ARFGEF2: variants seen among roughly 807,000 people sequenced by gnomAD.
ARFGEF2 encodes the protein ARF guanine nucleotide exchange factor 2.
In ARFGEF2, 74 loss-of-function variants were observed where a neutral mutation model predicts 219.9. The observed-to-expected ratio is 0.34, with a 90% CI of 0.28 to 0.41. ARFGEF2 has a LOEUF of 0.41. Among genes scored for constraint, ARFGEF2 ranks in the 10% least tolerant of loss-of-function variants. The pLI is 1.00. For missense variants in ARFGEF2, 1,743 were observed against 2,218.3 expected (o/e 0.79, Z 4.30); for synonymous variants, 733 against 799.2 (o/e 0.92, Z 1.40).
At chr20:48,954,908 G>C (rs1418476607) in intron 6 of ARFGEF2, among the ~76,000 whole-genome samples, 1 of 152,066 alleles carries the variant, frequency 6.6e-6, no homozygotes, top group Non-Finnish European at 1.5e-5. Flanking sequence ...GAAAGGACCA[G>C]GTTTTTACTG....
At chr20:48,984,906 T>G in intron 15 of ARFGEF2, 66 bp downstream of exon 15, 1 of 1,610,920 alleles carries the variant, frequency 6.2e-7, no homozygotes, top group Non-Finnish European at 8.5e-7. Flanking sequence ...CTTACCAGTT[T>G]TAACCTCGAG....
chr20:48,931,282 G>C (rs1469715236), intron 1 of ARFGEF2, among the ~76,000 whole-genome samples: 1 of 152,096 alleles, frequency 6.6e-6, no homozygotes, highest in Non-Finnish European at 1.5e-5. Context: ...TGGGGAGGGA[G>C]CCAGTTCAAG....
intron 14 of ARFGEF2, among the ~76,000 whole-genome samples, chr20:48,984,309 A>C (rs932926908): frequency 1.3e-5 from 2 of 152,144 alleles, no homozygotes; most frequent in African/African-American, 4.8e-5. Flanking sequence ...AAAGAGAAAA[A>C]AGCAGACTTC....
intron 2 of ARFGEF2, among the ~76,000 whole-genome samples, chr20:48,941,440 TGGAA>T (rs1169518734): frequency 1.3e-5 from 2 of 152,206 alleles, no homozygotes; most frequent in African/African-American, 4.8e-5. Flanking sequence ...CTTGTATACT[TGGAA>T]GGAAGGATCA....
intron 1 of ARFGEF2, among the ~76,000 whole-genome samples, chr20:48,930,482 A>G (rs1222207188): frequency 7.9e-5 from 12 of 152,242 alleles, no homozygotes; most frequent in Admixed American, 3.9e-4. Context: ...GATGAAGCCA[A>G]CAAAACCTTG....
At position 48,995,864 on chromosome 20, in the gene ARFGEF2, TG is replaced by T. The variant is rs866823052; in HGVS notation, c.3205del (p.Val1069LeufsTer2). 1 of 1,614,132 alleles carries T rather than the reference TG, an allele frequency of 6.2e-7. No homozygotes were observed. The highest frequency in any genetic ancestry group is 8.5e-7 in the Non-Finnish European group (1 of 1,179,992). ...GTTGGTGAGACCAGCTCGCAGAGTGTGGTTGTAGCTGTGGACAGGTAATGAT... is the reference window on the plus strand; with the variant it reads ...GTTGGTGAGACCAGCTCGCAGAGTGTGTTGTAGCTGTGGACAGGTAATGAT... Reference protein sequence around the residue: ...ESVGETSSQSVVVAVDRIFTG... With the variant: ...ESVGETSSQSXVVAVDRIFTG... On this transcript the variant is annotated frameshift_variant, in exon 23 of 39. Coordinates refer to ENST00000371917, the MANE Select transcript of ARFGEF2 (RefSeq NM_006420.3). LOFTEE classifies it high-confidence loss of function.
At chr20:49,019,150 T>G (rs1600551300) in intron 34 of ARFGEF2, 152 bp downstream of exon 34, 2 of 660,390 alleles carry the variant, frequency 3.0e-6, no homozygotes, top group East Asian at 5.8e-5. Flanking sequence ...CCTGTTTCTC[T>G]GTACCTTTCC....
intron 1 of ARFGEF2, among the ~76,000 whole-genome samples, chr20:48,934,025 C>T (rs578120540): frequency 2.1e-5 from 3 of 146,088 alleles, no homozygotes; most frequent in East Asian, 4.1e-4. Flanking sequence ...GAGGCTGAGG[C>T]AGGAGAATCT....
At chr20:48,949,127 G>C (rs899644754) in intron 3 of ARFGEF2, among the ~76,000 whole-genome samples, 4 of 152,226 alleles carry the variant, frequency 2.6e-5, no homozygotes, top group African/African-American at 9.6e-5. Context: ...CACAGATGAG[G>C]GGGGAAGTCA....
chr20:49,031,474 TTGC>T (rs2091634245), intron 37 of ARFGEF2, among the ~76,000 whole-genome samples: 1 of 152,078 alleles, frequency 6.6e-6, no homozygotes, highest in African/African-American at 2.4e-5. Flanking sequence ...AGTGATCTGC[TTGC>T]GTTGGCCTCC....
chr20:48,974,998 T>C, intron 13 of ARFGEF2, 124 bp downstream of exon 13: 1 of 800,696 alleles, frequency 1.2e-6, no homozygotes, highest in East Asian at 2.8e-5. Flanking sequence ...TAAATACCTA[T>C]ATTATTTTGA....
At chr20:48,953,304 T>A (rs1015817004) in intron 5 of ARFGEF2, among the ~76,000 whole-genome samples, 1 of 151,938 alleles carries the variant, frequency 6.6e-6, no homozygotes, top group African/African-American at 2.4e-5. Context: ...ACCTCCCAAG[T>A]AGCTGGGACT....
intron 14 of ARFGEF2, among the ~76,000 whole-genome samples, chr20:48,980,219 C>T (rs759821534): frequency 2.6e-5 from 4 of 152,154 alleles, no homozygotes; most frequent in Non-Finnish European, 5.9e-5. Context: ...ATCTTTATTT[C>T]TGCCTTAATT....
At chr20:49,003,202 A>T (rs2091435822) in intron 25 of ARFGEF2, among the ~76,000 whole-genome samples, 1 of 150,928 alleles carries the variant, frequency 6.6e-6, no homozygotes, top group African/African-American at 2.4e-5. Context: ...TCCTGGCCTC[A>T]GGTGATCCTC....
Position 48,921,910 on chromosome 20 carries a change from G to A in ARFGEF2, c.21G>A (p.Lys7=), listed in dbSNP as rs1344570635. The change falls in exon 1 of 39, where the codon AAG becomes AAA. Residue 7 remains lysine (K), a synonymous_variant. Transcript: ENST00000371917. ...GGGCCATGCAGGAGAGCCAGACCAAGAGCATGTTCGTGTCCCGGGCCCTGG... is the reference window on the plus strand; with the variant it reads ...GGGCCATGCAGGAGAGCCAGACCAAAAGCATGTTCGTGTCCCGGGCCCTGG... MQESQT[K]SMFVSRALEK... 1 of 1,552,356 alleles carries A rather than the reference G, an allele frequency of 6.4e-7. No homozygotes were observed. The highest frequency in any genetic ancestry group is 8.7e-7 in the Non-Finnish European group (1 of 1,147,426).
intron 8 of ARFGEF2, among the ~76,000 whole-genome samples, chr20:48,968,680 T>C (rs149216786): frequency 6.6e-6 from 1 of 152,310 alleles, no homozygotes; most frequent in African/African-American, 2.4e-5. Context: ...ATAGTATTCT[T>C]AGAAATATCT....
Position 48,971,390 on chromosome 20 carries a change from CTATTAT to C in ARFGEF2, c.1425+42_1425+47del, listed in dbSNP as rs538691550. 5 of 1,423,878 alleles carry C rather than the reference CTATTAT, an allele frequency of 3.5e-6. No individual in the cohort carries two copies. The East Asian group carries it at 7.2e-5, about 20-fold the overall frequency. 88.2% of individuals were successfully genotyped at this position (1,423,878 alleles called of 1,614,324 possible). A position where few individuals can be genotyped will look rare whatever the true frequency, so the allele number is the denominator to read the frequency against. ...CAAAGTTTTTTCATTTCATTATTTA[CTATTAT>C]TATTAGTCATTAATTATAATACTCA... On this transcript the variant is annotated intron_variant, in intron 10 of 38. Transcript: ENST00000371917.
At chr20:48,995,961 T>C (rs1457661879) in intron 23 of ARFGEF2, 79 bp downstream of exon 23, 1 of 1,275,452 alleles carries the variant, frequency 7.8e-7, no homozygotes, top group East Asian at 2.3e-5. Flanking sequence ...CATGAATGAT[T>C]CCTAATTTCT....
intron 25 of ARFGEF2, among the ~76,000 whole-genome samples, chr20:49,000,722 A>C (rs2091420084): frequency 6.6e-6 from 1 of 152,260 alleles, no homozygotes; most frequent in Admixed American, 6.5e-5. Context: ...TTGGCTAGCA[A>C]CTGTGGAATC....
Sources: allele counts gnomAD v4.1 joint callset (sites outside exome capture counted in the v4.1 genomes callset), GRCh38; gene constraint gnomAD v4.1.1; transcripts MANE v1.5; gene names NCBI Gene and HGNC (gene_info 2026-07-23, HGNC 2026-07-21).